The following ZDHHC14 variants were observed in gnomAD, a reference collection of about 807,000 sequenced individuals.
ZDHHC14 encodes palmitoyltransferase ZDHHC14.
A neutral mutation model predicts 47.7 loss-of-function variants in ZDHHC14; 16 were observed. That is an observed-to-expected ratio of 0.34 (90% CI 0.23 to 0.51). The LOEUF (loss-of-function observed/expected upper bound fraction) is 0.51, where lower values mean the gene tolerates loss of function less well. ZDHHC14 is among the 20% of genes least tolerant of loss of function. ZDHHC14 has a pLI of 0.97. For missense variants in ZDHHC14, 515 were observed against 662.5 expected (o/e 0.78, Z 2.44); for synonymous variants, 293 against 278.9 (o/e 1.05, Z -0.50).
intron 8 of ZDHHC14, among the ~76,000 whole-genome samples, chr6:157,666,275 C>T (rs951723154): frequency 6.6e-6 from 1 of 152,148 alleles, no homozygotes; most frequent in African/African-American, 2.4e-5. Context: ...TTTAGAAAAT[C>T]ATTTACTGTA....
In ZDHHC14 at chr6:157,673,062, C is replaced by T. The variant is rs758919776; in HGVS notation, c.1407C>T (p.Ala469=). Residue 469 remains alanine (A), a synonymous_variant, in exon 9 of 9, where the codon GCC becomes GCT. Coordinates refer to ENST00000359775, the MANE Select transcript of ZDHHC14 (RefSeq NM_024630.3). The surrounding 1 kb of genome is among the most constrained non-coding windows in gnomAD (Gnocchi z 5.4). ...HSRTMHVLGL[A]SQDSLHEDSV... ...GCACCATGCACGTGCTGGGCCTGGC[C>T]AGCCAGGACTCCCTGCATGAGGACT... 1 of 1,569,812 alleles carries T rather than the reference C, an allele frequency of 6.4e-7. No homozygotes were observed. Among genetic ancestry groups the T allele is most frequent in the South Asian group, 1.2e-5 (1 of 86,686 alleles).
chr6:157,499,857 C>G (rs140893430), intron 1 of ZDHHC14, among the ~76,000 whole-genome samples: 78 of 152,272 alleles, frequency 5.1e-4, no homozygotes, highest in African/African-American at 1.5e-3. Context: ...TTGATTGATT[C>G]ATTCATTCAT....
intron 2 of ZDHHC14, among the ~76,000 whole-genome samples, chr6:157,577,304 GA>G (rs1250620036): frequency 1.3e-5 from 2 of 152,162 alleles, no homozygotes; most frequent in African/African-American, 4.8e-5. Flanking sequence ...TTGCTATTGT[GA>G]ATAGTGCTAC....
At chr6:157,655,227 A>G (rs1330664817) in intron 8 of ZDHHC14, among the ~76,000 whole-genome samples, 1 of 152,208 alleles carries the variant, frequency 6.6e-6, no homozygotes, top group African/African-American at 2.4e-5. Flanking sequence ...AAAGGGGATT[A>G]CATTCATGGA....
intron 1 of ZDHHC14, among the ~76,000 whole-genome samples, chr6:157,429,218 G>A (rs1778286965): frequency 6.6e-6 from 1 of 152,228 alleles, no homozygotes; most frequent in Admixed American, 6.5e-5. Context: ...ACTGAGAGGT[G>A]TAATCCATTA....
At chr6:157,383,924 G>T (rs1440655690) in intron 1 of ZDHHC14, among the ~76,000 whole-genome samples, 2 of 152,200 alleles carry the variant, frequency 1.3e-5, no homozygotes, top group South Asian at 4.1e-4. Flanking sequence ...GAAACTGGAA[G>T]AAGGGGCATA....
At chr6:157,524,917 C>T (rs998296579) in intron 1 of ZDHHC14, among the ~76,000 whole-genome samples, 2 of 152,210 alleles carry the variant, frequency 1.3e-5, no homozygotes, top group African/African-American at 4.8e-5. Flanking sequence ...ACAAATGACC[C>T]CAGAACTCAG....
chr6:157,645,889 A>G (rs1777527494), intron 6 of ZDHHC14, 50 bp downstream of exon 6: 1 of 1,515,780 alleles, frequency 6.6e-7, no homozygotes, highest in Non-Finnish European at 9.1e-7. Context: ...GTTTTGGGCA[A>G]TGGAGGAGAA....
At chr6:157,417,065 T>C (rs1312998111) in intron 1 of ZDHHC14, among the ~76,000 whole-genome samples, 1 of 144,416 alleles carries the variant, frequency 6.9e-6, no homozygotes, top group Admixed American at 7.3e-5. Flanking sequence ...CCTGACCTCG[T>C]GATCTTCCTA....
Position 157,469,006 on chromosome 6 carries a change from A to T in ZDHHC14, c.246-73579A>T, listed in dbSNP as rs138942646. 9.3e-3 allele frequency among the ~76,000 whole-genome samples: 1,419 copies of T among 152,272 alleles called. 3 individuals carry two copies. Among genetic ancestry groups the T allele is most frequent in the Non-Finnish European group, 0.014 (927 of 68,016 alleles). ...CCAGGAGATGATATTTCTGGGAGGG[A>T]AGAGGTCTTAATGTGAATGACAGAA... is the stretch of plus-strand genomic sequence containing the variant. On this transcript the variant is annotated intron_variant, in intron 1 of 8. Transcript: ENST00000359775.
intron 3 of ZDHHC14, 123 bp downstream of exon 3, chr6:157,593,269 C>T (rs542817720): frequency 8.1e-7 from 1 of 1,239,298 alleles, no homozygotes; most frequent in Non-Finnish European, 1.1e-6. Flanking sequence ...TGCATGTTGC[C>T]ACTGATTGAG....
chr6:157,388,139 A>G (rs928937725), intron 1 of ZDHHC14, among the ~76,000 whole-genome samples: 3 of 152,222 alleles, frequency 2.0e-5, no homozygotes, highest in Non-Finnish European at 4.4e-5. Context: ...GCACTCTGGG[A>G]TATATTTGAA....
chr6:157,577,590 C>T (rs1783354080), intron 2 of ZDHHC14, among the ~76,000 whole-genome samples: 6 of 152,214 alleles, frequency 3.9e-5, no homozygotes, highest in Admixed American at 3.9e-4. Flanking sequence ...ACTCTTGTTG[C>T]CTAGGCTGGA....
intron 1 of ZDHHC14, among the ~76,000 whole-genome samples, chr6:157,495,508 T>C (rs1780039635): frequency 6.6e-6 from 1 of 151,888 alleles, no homozygotes; most frequent in Non-Finnish European, 1.5e-5. Context: ...TTGCACAGCA[T>C]CAGAGACCCC....
At chr6:157,658,995 T>C (rs1778228166) in intron 8 of ZDHHC14, among the ~76,000 whole-genome samples, 1 of 152,232 alleles carries the variant, frequency 6.6e-6, no homozygotes. Flanking sequence ...TTATTATAGG[T>C]CTATTCAGAT....
At chr6:157,405,059 A>G (rs1440717857) in intron 1 of ZDHHC14, among the ~76,000 whole-genome samples, 1 of 152,036 alleles carries the variant, frequency 6.6e-6, no homozygotes, top group Non-Finnish European at 1.5e-5. Context: ...GGTAAAGAGA[A>G]ACAGGGCTGA....
At chr6:157,591,449 T>C (rs1010698770) in intron 2 of ZDHHC14, among the ~76,000 whole-genome samples, 2 of 152,182 alleles carry the variant, frequency 1.3e-5, no homozygotes, top group African/African-American at 2.4e-5. Flanking sequence ...AGAGGCTTTT[T>C]CCCCCTTTGC....
At chr6:157,535,431 G>C (rs1781513704) in intron 1 of ZDHHC14, among the ~76,000 whole-genome samples, 3 of 152,216 alleles carry the variant, frequency 2.0e-5, no homozygotes, top group Non-Finnish European at 2.9e-5. Flanking sequence ...GGTAGACAGA[G>C]AGACGCGTGT....
rs140668380 is a variant in ZDHHC14, at chr6:157,448,628, T to C, written c.245+66362T>C. Among the ~76,000 whole-genome samples, 672 of 152,322 alleles carry C rather than the reference T, an allele frequency of 4.4e-3. 6 individuals carry two copies. Among genetic ancestry groups the C allele is most frequent in the African/African-American group, 0.015 (639 of 41,562 alleles). On this transcript the variant is annotated intron_variant, in intron 1 of 8. Transcript: ENST00000359775. ...CATGTGATCTTTATTCAGAACCTAG[T>C]TGTGTGCTTGGCACAATGAGAGAAC... is the stretch of plus-strand genomic sequence containing the variant.
Sources: gnomAD v4.1 joint callset for allele counts (sites outside exome capture counted in the v4.1 genomes callset) on GRCh38, gnomAD v4.1.1 for gene constraint, Gnocchi (gnomAD v3.1) non-coding constraint, MANE v1.5 for transcripts, NCBI Gene and HGNC (gene_info 2026-07-23, HGNC 2026-07-21) for gene names.